The following ETAA1 variants were observed in gnomAD, a reference collection of about 807,000 sequenced individuals.
ETAA1 encodes ETAA1 activator of ATR kinase.
ETAA1 carries 49 observed loss-of-function variants against 76.8 expected under a neutral mutation model. That is an observed-to-expected ratio of 0.64 (90% CI 0.51 to 0.81). The LOEUF is 0.81. Ranked by LOEUF, ETAA1 falls within the 30% of genes least tolerant of loss-of-function variation. The probability of loss-of-function intolerance (pLI) is 0.00; values close to 1 mark genes in which losing one functional copy is unlikely to be tolerated. For missense variants in ETAA1, 1,099 were observed against 1,074.0 expected (o/e 1.02, Z -0.32); for synonymous variants, 373 against 372.2 (o/e 1.00, Z -0.03).
chr2:67,409,844 A>C, intron 5 of ETAA1, 67 bp from the exon 6 acceptor site: 2 of 1,484,032 alleles, frequency 1.3e-6, no homozygotes, highest in East Asian at 4.7e-5. Flanking sequence ...AAAAGCAAAA[A>C]TTAAAGCACA....
chr2:67,403,521 C>T lies in ETAA1; in HGVS notation c.839C>T (p.Ala280Val), dbSNP rs1177714429. Residue 280 changes from alanine (A) to valine (V), a missense_variant, in exon 5 of 6, where the codon GCA (alanine) becomes GTA (valine). Physicochemically the swap from Ala to Val is moderately conservative, Grantham distance 64. Coordinates refer to ENST00000272342, the MANE Select transcript of ETAA1 (RefSeq NM_019002.4). Reference protein sequence around the residue: ...SQKPFDQIAEAAFNAIFDGST... With the variant: ...SQKPFDQIAEVAFNAIFDGST... ...AAGCCATTTGACCAAATTGCTGAAG[C>T]AGCCTTTAATGCTATTTTTGATGGT... is the stretch of plus-strand genomic sequence containing the variant. 6.2e-7 allele frequency: 1 copy of T among 1,613,496 alleles called. No homozygotes were observed. Among genetic ancestry groups the T allele is most frequent in the Non-Finnish European group, 8.5e-7 (1 of 1,179,496 alleles).
Position 67,405,269 on chromosome 2 carries a change from C to A in ETAA1, c.2587C>A (p.Leu863Met). Residue 863 changes from leucine to methionine, a missense_variant, in exon 5 of 6, where the codon CTG (leucine) becomes ATG (methionine). Leu to Met is a conservative substitution (Grantham distance 15). Coordinates refer to ENST00000272342, the MANE Select transcript of ETAA1 (RefSeq NM_019002.4). ...GAAAAAGAAAGGTGTCAACCCATTA[C>A]TGGAGGAAGCTGTTGGACAGCAATC... ...VEKKKGVNPL[L>M]EEAVGQQSLV... The A allele has an allele frequency of 6.3e-7, 1 of 1,596,876 alleles. No individual in the cohort carries two copies. Among genetic ancestry groups the A allele is most frequent in the South Asian group, 1.1e-5 (1 of 88,384 alleles).
intron 3 of ETAA1, among the ~76,000 whole-genome samples, chr2:67,400,120 T>C (rs1382497814): frequency 2.0e-5 from 3 of 152,166 alleles, no homozygotes; most frequent in East Asian, 3.9e-4. Flanking sequence ...CAACCTCCTA[T>C]GCTGTGTGAC....
chr2:67,397,904 A>G (rs1198741028), intron 1 of ETAA1, among the ~76,000 whole-genome samples: 1 of 152,174 alleles, frequency 6.6e-6, no homozygotes, highest in Non-Finnish European at 1.5e-5. Flanking sequence ...CCACAGGAAT[A>G]GGTAATGTGG....
In ETAA1 at chr2:67,410,185, G is replaced by A. The variant is rs1389489421; in HGVS notation, c.*147G>A. ...TACTTTATTTAATAAATCAATGTTT[G>A]CAATGGTAAATGAAACATTTCCTTG... On this transcript the variant is annotated 3_prime_UTR_variant, in exon 6 of 6. Coordinates refer to ENST00000272342, the MANE Select transcript of ETAA1 (RefSeq NM_019002.4). The A allele has an allele frequency of 2.7e-6, 2 of 728,112 alleles. No individual in the cohort carries two copies. Among genetic ancestry groups the A allele is most frequent in the African/African-American group, 3.7e-5 (2 of 53,934 alleles). 45.1% of individuals were successfully genotyped at this position (728,112 alleles called of 1,614,324 possible).
At chr2:67,399,055 A>G in intron 1 of ETAA1, 114 bp from the exon 2 acceptor site, 1 of 991,718 alleles carries the variant, frequency 1.0e-6, no homozygotes, top group Non-Finnish European at 1.4e-6. Flanking sequence ...TCTCTGGGAA[A>G]AAAAATTATC....
chr2:67,398,328 T>A (rs796393313), intron 1 of ETAA1, among the ~76,000 whole-genome samples: 3,197 of 68,064 alleles, frequency 0.047, 136 homozygotes, highest in African/African-American at 0.13. Flanking sequence ...TTTTTTTTTT[T>A]ATACCTTACG....
chr2:67,405,436 C>A, intron 5 of ETAA1, 101 bp downstream of exon 5: 1 of 847,282 alleles, frequency 1.2e-6, no homozygotes, highest in Non-Finnish European at 1.7e-6. Flanking sequence ...TAAGGTAAAA[C>A]TATTCTATGA....
rs751087948 is a variant in ETAA1 at position 67,404,762 on chromosome 2, C to A, written c.2080C>A (p.His694Asn). 6.2e-7 allele frequency: 1 copy of A among 1,613,188 alleles called. No individual in the cohort carries two copies. Among genetic ancestry groups the A allele is most frequent in the South Asian group, 1.1e-5 (1 of 91,062 alleles). Reference sequence around the variant, plus strand: ...AGGAAGTAATTTGGTACAATCAAAGCATTTGAATCCAGGCAGCATTTCAGT... The same window carrying A: ...AGGAAGTAATTTGGTACAATCAAAGAATTTGAATCCAGGCAGCATTTCAGT... ...KQGSNLVQSK[H>N]LNPGSISVQT... The change falls in exon 5 of 6, where the codon CAT becomes AAT. Residue 694 changes from histidine to asparagine, a missense_variant. His to Asn is a moderately conservative substitution (Grantham distance 68). Around this residue, in one of 3 missense-constraint regions of ETAA1, gnomAD observed 302 missense variants for 278.1 expected, o/e 1.09. Transcript: ENST00000272342.
At chr2:67,409,622 G>T (rs1406508908) in intron 5 of ETAA1, among the ~76,000 whole-genome samples, 1 of 151,782 alleles carries the variant, frequency 6.6e-6, no homozygotes, top group Non-Finnish European at 1.5e-5. Flanking sequence ...AGATGTCATT[G>T]TCCACAAGAA....
chr2:67,410,163 T>G lies in ETAA1; in HGVS notation c.*125T>G, dbSNP rs994460599. 1 of 835,046 alleles carries G rather than the reference T, an allele frequency of 1.2e-6. No homozygotes were observed. Among genetic ancestry groups the G allele is most frequent in the Admixed American group, 2.7e-5 (1 of 36,854 alleles). 51.7% of individuals were successfully genotyped at this position (835,046 alleles called of 1,614,324 possible). On this transcript the variant is annotated 3_prime_UTR_variant, in exon 6 of 6. Transcript: ENST00000272342. ...ACTTTTATAAAGCCTGGACTTCTAC[T>G]TTATTTAATAAATCAATGTTTGCAA... is the stretch of plus-strand genomic sequence containing the variant.
At chr2:67,398,192 T>G (rs1465711062) in intron 1 of ETAA1, among the ~76,000 whole-genome samples, 2 of 152,084 alleles carry the variant, frequency 1.3e-5, no homozygotes, top group African/African-American at 2.4e-5. Context: ...ACTAAGGATC[T>G]CTTTCGTCTC....
intron 5 of ETAA1, among the ~76,000 whole-genome samples, chr2:67,405,666 T>C (rs1676196997): frequency 6.6e-6 from 1 of 152,040 alleles, no homozygotes; most frequent in Non-Finnish European, 1.5e-5. Context: ...TATTATAGTG[T>C]TCATTAAGAT....
chr2:67,400,578 A>C (rs1467469563), intron 3 of ETAA1: 1 of 152,220 alleles, frequency 6.6e-6, no homozygotes, highest in Non-Finnish European at 1.5e-5. Flanking sequence ...CTAAGAAGCA[A>C]AGGCTCAATA....
intron 5 of ETAA1, among the ~76,000 whole-genome samples, chr2:67,406,488 T>C (rs1676223624): frequency 6.6e-6 from 1 of 152,176 alleles, no homozygotes; most frequent in South Asian, 2.1e-4. Flanking sequence ...CTCTTCTCTG[T>C]CTTGTTGGCA....
chr2:67,403,376 A>G lies in ETAA1; in HGVS notation c.694A>G (p.Lys232Glu). ...ISETEILSNY[K>E]DNIQMWSLHN... ...AGAAACAGAGATTTTAAGTAATTAT[A>G]AAGATAATATACAGATGTGGTCATT... is the stretch of plus-strand genomic sequence containing the variant. Residue 232 changes from lysine to glutamate, a missense_variant, in exon 5 of 6, where the codon AAA becomes GAA. Transcript: ENST00000272342. The G allele has an allele frequency of 3.7e-6, 6 of 1,604,264 alleles. No homozygotes were observed. The highest frequency in any genetic ancestry group is 2.2e-5 in the South Asian group (2 of 90,468).
intron 1 of ETAA1, among the ~76,000 whole-genome samples, chr2:67,398,601 G>T (rs1283132180): frequency 6.6e-6 from 1 of 152,006 alleles, no homozygotes; most frequent in Non-Finnish European, 1.5e-5. Context: ...CTCCCAAAGT[G>T]CTGGGATTAC....
chr2:67,401,149 C>G (rs1015715024), intron 3 of ETAA1: 1 of 151,872 alleles, frequency 6.6e-6, no homozygotes, highest in Non-Finnish European at 1.5e-5. Flanking sequence ...GACAACAGTA[C>G]GCAAGTGGTA....
At chr2:67,402,030 TA>T (rs1160894475) in intron 3 of ETAA1, 1 of 151,848 alleles carries the variant, frequency 6.6e-6, no homozygotes, top group Non-Finnish European at 1.5e-5. Flanking sequence ...AATCTAGTAG[TA>T]AAATTATTTT....
Sources: allele counts gnomAD v4.1 joint callset (sites outside exome capture counted in the v4.1 genomes callset), GRCh38; gene constraint gnomAD v4.1.1; regional missense constraint gnomAD v4.1.1; transcripts MANE v1.5; gene names NCBI Gene and HGNC (gene_info 2026-07-23, HGNC 2026-07-21).